TXNL1: variants seen among roughly 807,000 people sequenced by gnomAD.
TXNL1 encodes thioredoxin like 1.
TXNL1 carries 14 observed loss-of-function variants against 35.5 expected under a neutral mutation model. The observed-to-expected ratio is 0.39, with a 90% confidence interval of 0.26 to 0.62. TXNL1 has a LOEUF of 0.62. TXNL1 is among the 20% of genes least tolerant of loss of function. The pLI is 0.47. For synonymous variants in TXNL1, 110 were observed against 115.5 expected (o/e 0.95, Z 0.31); for missense variants, 263 against 349.7 (o/e 0.75, Z 1.98).
chr18:56,632,761 G>A (rs1183610040), intron 1 of TXNL1, among the ~76,000 whole-genome samples: 2 of 152,160 alleles, frequency 1.3e-5, no homozygotes, highest in Non-Finnish European at 1.5e-5. Context: ...CGGAGTTAAT[G>A]ATCTATTTCT....
rs543989055 is a variant in TXNL1 at position 56,635,115 on chromosome 18, G to A, written c.98+3228C>T. 5.9e-5 allele frequency among the ~76,000 whole-genome samples: 9 copies of A among 152,008 alleles called. No individual in the cohort carries two copies. The South Asian group carries it at 1.5e-3, about 25-fold the overall frequency. On this transcript the variant is annotated intron_variant, in intron 1 of 7. Transcript: ENST00000217515. The stretch of plus-strand genomic sequence containing the variant: ...TCTCTAAAACAAAAAATAAATTAGC[G>A]GGCATGGTGGTATGTGTCTGTAGTC...
intron 4 of TXNL1, 113 bp from the exon 5 acceptor site, chr18:56,616,427 C>A: frequency 1.1e-6 from 1 of 876,536 alleles, no homozygotes; most frequent in Non-Finnish European, 1.7e-6. Flanking sequence ...CCTAATTCAT[C>A]GAACAAAACC....
chr18:56,608,332 T>C (rs542042754), intron 7 of TXNL1: 1 of 152,320 alleles, frequency 6.6e-6, no homozygotes, highest in African/African-American at 2.4e-5. Context: ...AATACTAGCT[T>C]ACTTTTAAAG....
At chr18:56,626,105 A>G (rs1379631526) in intron 2 of TXNL1, 2 of 946,612 alleles carry the variant, frequency 2.1e-6, no homozygotes, top group African/African-American at 3.4e-5. Flanking sequence ...CAGAACTGCT[A>G]GGTGACCTAT....
intron 3 of TXNL1, 47 bp downstream of exon 3, chr18:56,624,241 A>T: frequency 6.5e-7 from 1 of 1,528,810 alleles, no homozygotes. Context: ...CAATAATGAC[A>T]TGTACAAGAT....
At chr18:56,636,086 T>C (rs1186548995) in intron 1 of TXNL1, among the ~76,000 whole-genome samples, 1 of 152,178 alleles carries the variant, frequency 6.6e-6, no homozygotes, top group Non-Finnish European at 1.5e-5. Flanking sequence ...CAATGAATTA[T>C]ACTCTTACAA....
intron 7 of TXNL1, chr18:56,605,392 AT>A (rs2023874143): frequency 6.6e-6 from 1 of 152,204 alleles, no homozygotes; most frequent in Non-Finnish European, 1.5e-5. Context: ...AAGCTGAAAA[AT>A]AAACAGACAG....
Position 56,626,244 on chromosome 18 carries a change from T to C in TXNL1, c.195+117A>G, listed in dbSNP as rs896956613. On this transcript the variant is annotated intron_variant, in intron 2 of 7. Coordinates refer to ENST00000217515, the MANE Select transcript of TXNL1 (RefSeq NM_004786.3). ...TAATAATGACATCAACATAACATCT[T>C]CCTATCTTCAAAGGAATAAGTACTA... 8 of 1,463,138 alleles carry C rather than the reference T, an allele frequency of 5.5e-6. No individual in the cohort carries two copies. In the African/African-American group the frequency reaches 1.0e-4, roughly 18 times the overall value. 90.6% of individuals were successfully genotyped at this position (1,463,138 alleles called of 1,614,324 possible).
intron 1 of TXNL1, among the ~76,000 whole-genome samples, chr18:56,636,116 T>C (rs2144344073): frequency 6.6e-6 from 1 of 152,098 alleles, no homozygotes; most frequent in South Asian, 2.1e-4. Flanking sequence ...TGGTCAATTT[T>C]ATGTTATATA....
chr18:56,635,565 CAT>C (rs1387828871), intron 1 of TXNL1, among the ~76,000 whole-genome samples: 1 of 152,128 alleles, frequency 6.6e-6, no homozygotes, highest in Non-Finnish European at 1.5e-5. Context: ...TTGACAAATT[CAT>C]AGAGACAGAA....
Position 56,611,845 on chromosome 18 carries a change from A to ATTTTTTTT in TXNL1, c.736-756_736-749dup, listed in dbSNP as rs375995266. ...AGTAGCCCACCAGCACACCCGGCTAATTTTTTTTTTTTTTTTTTTAAGAGA... is the reference window on the plus strand; with the variant it reads ...AGTAGCCCACCAGCACACCCGGCTAATTTTTTTTTTTTTTTTTTTTTTTTTTTAAGAGA... On this transcript the variant is annotated intron_variant, in intron 6 of 7. Coordinates refer to ENST00000217515, the MANE Select transcript of TXNL1 (RefSeq NM_004786.3). 1.7e-5 allele frequency among the ~76,000 whole-genome samples: 2 copies of ATTTTTTTT among 116,490 alleles called. 1 individual carries two copies. The highest frequency in any genetic ancestry group is 3.4e-5 in the Non-Finnish European group (2 of 58,430). The allele number at this position is 116,490 out of a possible 152,430, so 76.4% of individuals were successfully genotyped here. A position where few individuals can be genotyped will look rare whatever the true frequency, so the allele number is the denominator to read the frequency against.
At chr18:56,606,448 G>T (rs1319642987) in intron 7 of TXNL1, among the ~76,000 whole-genome samples, 1 of 152,054 alleles carries the variant, frequency 6.6e-6, no homozygotes, top group African/African-American at 2.4e-5. Context: ...ACAAGTAAAA[G>T]AAAAGACATG....
intron 3 of TXNL1, among the ~76,000 whole-genome samples, chr18:56,623,350 C>A (rs571798563): frequency 6.6e-6 from 1 of 151,750 alleles, no homozygotes; most frequent in Non-Finnish European, 1.5e-5. Flanking sequence ...ATAGCTTGAA[C>A]CCTGGAGGTG....
intron 3 of TXNL1, among the ~76,000 whole-genome samples, chr18:56,621,827 C>G (rs914935455): frequency 4.0e-5 from 6 of 151,532 alleles, no homozygotes; most frequent in Non-Finnish European, 8.8e-5. Flanking sequence ...TGGTGAAACC[C>G]CCTCTCTACT....
chr18:56,633,219 G>T (rs182047824), intron 1 of TXNL1, among the ~76,000 whole-genome samples: 50 of 152,116 alleles, frequency 3.3e-4, no homozygotes, highest in African/African-American at 1.1e-3. Flanking sequence ...AGGCCGAGGC[G>T]GACGGATCAC....
In TXNL1 at chr18:56,600,963, T is replaced by C. The variant is rs560565151; in HGVS notation, c.*2064A>G. The C allele has an allele frequency of 2.6e-4, 39 of 152,352 alleles. 1 individual carries two copies. Among genetic ancestry groups the C allele is most frequent in the Admixed American group, 1.4e-3 (21 of 15,308 alleles). The allele number at this position is 152,352 out of a possible 1,614,324, so 9.4% of individuals were successfully genotyped here. On this transcript the variant is annotated 3_prime_UTR_variant, in exon 8 of 8. Transcript: ENST00000217515. ...ATACAGAGATCATGAAATTCTTTTT[T>C]GCTATGTCCGACAAAATGAACAAGA...
At chr18:56,625,179 T>G (rs548819885) in intron 2 of TXNL1, among the ~76,000 whole-genome samples, 1 of 152,054 alleles carries the variant, frequency 6.6e-6, no homozygotes, top group Non-Finnish European at 1.5e-5. Flanking sequence ...AAAAAGAACA[T>G]AAAGATAACA....
chr18:56,636,759 T>C (rs1195324561), intron 1 of TXNL1, among the ~76,000 whole-genome samples: 3 of 152,140 alleles, frequency 2.0e-5, no homozygotes, highest in Non-Finnish European at 4.4e-5. Flanking sequence ...CCCACTGCTA[T>C]GGTAAGGGAG....
intron 1 of TXNL1, among the ~76,000 whole-genome samples, chr18:56,633,619 CAA>C (rs58501408): frequency 0.24 from 21,578 of 91,326 alleles, 3,631 homozygotes; most frequent in African/African-American, 0.54. Flanking sequence ...GACCCTGTCT[CAA>C]AAAAAAAAAA....
Sources: allele counts gnomAD v4.1 joint callset (sites outside exome capture counted in the v4.1 genomes callset), GRCh38; gene constraint gnomAD v4.1.1; transcripts MANE v1.5; gene names NCBI Gene and HGNC (gene_info 2026-07-23, HGNC 2026-07-21).